The following GMCL1 variants were observed in gnomAD, a reference collection of about 807,000 sequenced individuals.
GMCL1 encodes the protein germ cell-less 1, spermatogenesis associated.
In GMCL1, 54 loss-of-function variants were observed where a neutral mutation model predicts 75.5. The ratio of observed to expected loss-of-function variants is 0.71; its 90% CI spans 0.57 to 0.90. The LOEUF (loss-of-function observed/expected upper bound fraction) is 0.90. Among genes scored for constraint, GMCL1 ranks in the 40% least tolerant of loss-of-function variants. GMCL1 has a pLI of 0.00. For missense variants in GMCL1, 537 were observed against 622.7 expected (o/e 0.86, Z 1.47); for synonymous variants, 210 against 209.6 (o/e 1.00, Z -0.02).
chr2:69,878,136 GTT>G, intron 13 of GMCL1, among the ~76,000 whole-genome samples: 10 of 152,200 alleles, frequency 6.6e-5, no homozygotes, highest in Non-Finnish European at 1.2e-4. Context: ...GTCTCTGGGA[GTT>G]CTGAGCATTC....
intron 8 of GMCL1, among the ~76,000 whole-genome samples, chr2:69,850,401 AAG>A (rs1675283288): frequency 6.6e-6 from 1 of 152,178 alleles, no homozygotes; most frequent in East Asian, 1.9e-4. Flanking sequence ...TATCTAGAAA[AAG>A]TATTTTTTAC....
At chr2:69,854,424 C>A (rs1024347036) in intron 8 of GMCL1, among the ~76,000 whole-genome samples, 1 of 152,092 alleles carries the variant, frequency 6.6e-6, no homozygotes, top group African/African-American at 2.4e-5. Context: ...TATTCTTTGT[C>A]CTGTGTACCT....
chr2:69,829,715 C>A lies in GMCL1; in HGVS notation c.-178C>A, dbSNP rs1269355594. On this transcript the variant is annotated 5_prime_UTR_variant, in exon 1 of 14. Coordinates refer to ENST00000282570, the MANE Select transcript of GMCL1 (RefSeq NM_178439.5). ...CTGCGGTGCTAGAGCGCGGCGCGAC[C>A]GGACGCTGCGGGCGGGGAAGAGGAT... The A allele has an allele frequency of 7.2e-6, 5 of 692,448 alleles. No homozygotes were observed. The highest frequency in any genetic ancestry group is 6.1e-5 in the South Asian group (3 of 49,572). 42.9% of individuals were successfully genotyped at this position (692,448 alleles called of 1,614,324 possible).
chr2:69,875,831 A>T (rs1009437414), intron 13 of GMCL1, among the ~76,000 whole-genome samples: 2 of 151,576 alleles, frequency 1.3e-5, no homozygotes, highest in Non-Finnish European at 2.9e-5. Context: ...AGTAGCTGGG[A>T]TTATAGGCAC....
chr2:69,877,706 T>TTG (rs10549628), intron 13 of GMCL1, among the ~76,000 whole-genome samples: 6,450 of 149,900 alleles, frequency 0.043, 298 homozygotes, highest in African/African-American at 0.12. Flanking sequence ...GATTGTGTGT[T>TTG]TGTGTGTGTG....
At chr2:69,856,697 G>A (rs1402571406) in intron 9 of GMCL1, among the ~76,000 whole-genome samples, 2 of 114,256 alleles carry the variant, frequency 1.8e-5, no homozygotes, top group African/African-American at 3.4e-5. Context: ...TTTTCCCTCC[G>A]TAGAAGACTT....
Position 69,849,846 on chromosome 2 carries a change from G to T in GMCL1, c.934+104G>T, listed in dbSNP as rs560970474. On this transcript the variant is annotated intron_variant, in intron 8 of 13. Coordinates refer to ENST00000282570, the MANE Select transcript of GMCL1 (RefSeq NM_178439.5). ...TAAATTAATTAATTAAATGAAATCA[G>T]GCCCTGACTTGTTTATAGACTTAAT... 3 of 605,082 alleles carry T rather than the reference G, an allele frequency of 5.0e-6. No individual in the cohort carries two copies. In the African/African-American group the frequency reaches 5.8e-5, roughly 12 times the overall value. 37.5% of individuals were successfully genotyped at this position (605,082 alleles called of 1,614,324 possible).
chr2:69,879,023 A>G lies in GMCL1; in HGVS notation c.*19A>G. On this transcript the variant is annotated 3_prime_UTR_variant, in exon 14 of 14. Transcript: ENST00000282570. ...GAATTGAAAATAATCGTCACCCAGA[A>G]AATCCAGAAAACTGAAGATTTCATC... The G allele has an allele frequency of 2.0e-6, 3 of 1,482,762 alleles. No homozygotes were observed. In the South Asian group the frequency reaches 3.5e-5, roughly 17 times the overall value. The allele number at this position is 1,482,762 out of a possible 1,614,324, so 91.9% of individuals were successfully genotyped here.
chr2:69,839,658 C>A, intron 3 of GMCL1, 105 bp downstream of exon 3: 1 of 655,516 alleles, frequency 1.5e-6, no homozygotes, highest in East Asian at 2.6e-5. Flanking sequence ...CTAGAAAACT[C>A]CTTTTATCAC....
chr2:69,851,051 G>A (rs761965893), intron 8 of GMCL1, among the ~76,000 whole-genome samples: 7 of 152,096 alleles, frequency 4.6e-5, no homozygotes. Flanking sequence ...TTATTGATTT[G>A]TAGGCATTCT....
At chr2:69,832,219 CAA>C (rs774662812) in intron 1 of GMCL1, among the ~76,000 whole-genome samples, 9 of 117,774 alleles carry the variant, frequency 7.6e-5, no homozygotes, top group Middle Eastern at 4.5e-3. Flanking sequence ...GACTCTGTCT[CAA>C]AAAAAAAAAA....
chr2:69,856,071 A>T (rs188838121), intron 9 of GMCL1, among the ~76,000 whole-genome samples: 2 of 152,280 alleles, frequency 1.3e-5, no homozygotes, highest in Admixed American at 1.3e-4. Flanking sequence ...AAGAATTTAG[A>T]TCCTGTATTT....
intron 2 of GMCL1, among the ~76,000 whole-genome samples, chr2:69,838,336 C>CA (rs71397366): frequency 0.086 from 2,710 of 31,358 alleles, 634 homozygotes; most frequent in African/African-American, 0.16. Flanking sequence ...GACTCTGTCT[C>CA]AAAAAAAAAA....
At chr2:69,843,092 CAG>C in intron 4 of GMCL1, 55 bp from the exon 5 acceptor site, 1 of 764,774 alleles carries the variant, frequency 1.3e-6, no homozygotes, top group African/African-American at 1.8e-5. Flanking sequence ...TAAAAGCTGT[CAG>C]AGCTAATTTT....
chr2:69,869,978 G>A (rs1675940784), intron 12 of GMCL1, 114 bp downstream of exon 12: 2 of 989,650 alleles, frequency 2.0e-6, no homozygotes, highest in Admixed American at 2.8e-5. Context: ...CAGTATATGT[G>A]GAAGTGGTAG....
chr2:69,834,168 CA>C (rs1201527203), intron 1 of GMCL1, among the ~76,000 whole-genome samples: 1 of 152,066 alleles, frequency 6.6e-6, no homozygotes, highest in Non-Finnish European at 1.5e-5. Context: ...CCACTCTTGT[CA>C]AAATAACAAT....
intron 11 of GMCL1, among the ~76,000 whole-genome samples, chr2:69,866,444 A>AT (rs1053967300): frequency 2.0e-5 from 3 of 151,930 alleles, no homozygotes; most frequent in Non-Finnish European, 2.9e-5. Flanking sequence ...TTTATTTTTA[A>AT]TTTTTAAAAG....
intron 6 of GMCL1, 166 bp downstream of exon 6, chr2:69,844,362 CTT>C: frequency 4.4e-6 from 2 of 457,992 alleles, no homozygotes; most frequent in Non-Finnish European, 3.9e-6. Context: ...GCTGTGCAAA[CTT>C]ATTTCTTTGT....
chr2:69,852,486 G>C (rs1352694845), intron 8 of GMCL1, among the ~76,000 whole-genome samples: 1 of 139,580 alleles, frequency 7.2e-6, no homozygotes, highest in Non-Finnish European at 1.5e-5. Context: ...TTAGGAAATA[G>C]GATAGAAAAA....
Sources: allele counts gnomAD v4.1 joint callset (sites outside exome capture counted in the v4.1 genomes callset), GRCh38; gene constraint gnomAD v4.1.1; transcripts MANE v1.5; gene names NCBI Gene and HGNC (gene_info 2026-07-23, HGNC 2026-07-21).